The following ETV1 variants were observed in gnomAD, a reference collection of about 807,000 sequenced individuals.
ETV1 encodes the protein ETS variant transcription factor 1.
A neutral mutation model predicts 62.3 loss-of-function variants in ETV1; 27 were observed. The observed-to-expected ratio is 0.43, with a 90% CI of 0.32 to 0.60. The LOEUF (loss-of-function observed/expected upper bound fraction) is 0.60, where lower values mean the gene tolerates loss of function less well. Among genes scored for constraint, ETV1 ranks in the 20% least tolerant of loss-of-function variants. The pLI, the probability that ETV1 is intolerant of heterozygous loss-of-function variation, is 0.06. For synonymous variants in ETV1, 222 were observed against 199.6 expected, an observed-to-expected ratio of 1.11 and a Z score of -0.94; for missense variants, 605 against 605.8, an observed-to-expected ratio of 1.00 and a Z score of 0.01.
At chr7:13,904,788 G>T (rs1335789557) in intron 12 of ETV1, among the ~76,000 whole-genome samples, 1 of 151,516 alleles carries the variant, frequency 6.6e-6, no homozygotes, top group East Asian at 1.9e-4. Flanking sequence ...CATGCGAAAG[G>T]GCTTTCAAAT....
intron 6 of ETV1, among the ~76,000 whole-genome samples, chr7:13,970,437 T>C (rs529684203): frequency 3.3e-5 from 5 of 152,134 alleles, no homozygotes; most frequent in East Asian, 1.9e-4. Flanking sequence ...CAACTAGTCA[T>C]GCTTGAAATG....
intron 7 of ETV1, among the ~76,000 whole-genome samples, chr7:13,936,766 C>A (rs117357646): frequency 6.6e-6 from 1 of 152,112 alleles, no homozygotes; most frequent in African/African-American, 2.4e-5. Flanking sequence ...TTTTGCTGGG[C>A]GCAGTGGCTC....
At position 13,947,293 on chromosome 7, in the gene ETV1, C is replaced by T. The variant is rs577187479; in HGVS notation, c.236-8047G>A. Among the ~76,000 whole-genome samples, 415 of 139,944 alleles carry T rather than the reference C, an allele frequency of 3.0e-3. 5 individuals are homozygous for T. The highest frequency in any genetic ancestry group is 0.011 in the African/African-American group (407 of 37,818). 91.8% of individuals were successfully genotyped at this position (139,944 alleles called of 152,430 possible). A position where few individuals can be genotyped will look rare whatever the true frequency, so the allele number is the denominator to read the frequency against. On this transcript the variant is annotated intron_variant, in intron 6 of 13. Coordinates refer to ENST00000430479, the MANE Select transcript of ETV1 (RefSeq NM_004956.5). ...GATGGATGATGTCTTGTAAATTAAA[C>T]AAAGATAATATGTTTAAGTGTTGAC...
At chr7:13,986,100 A>T in intron 5 of ETV1, 1 of 1,550,806 alleles carries the variant, frequency 6.4e-7, no homozygotes. Flanking sequence ...AGATTTCCTA[A>T]GCATTAGATA....
chr7:13,916,956 G>T (rs1784245413), intron 9 of ETV1, among the ~76,000 whole-genome samples: 2 of 151,118 alleles, frequency 1.3e-5, no homozygotes, highest in African/African-American at 4.9e-5. Flanking sequence ...TAAAAGTAAA[G>T]TAAAGAAAGA....
At position 13,894,108 on chromosome 7, in the gene ETV1, T is replaced by C; in HGVS notation, c.*1758A>G. 1 of 232,572 alleles carries C rather than the reference T, an allele frequency of 4.3e-6. No individual in the cohort carries two copies. Among genetic ancestry groups the C allele is most frequent in the Middle Eastern group, 1.2e-3 (1 of 802 alleles). 14.4% of individuals were successfully genotyped at this position (232,572 alleles called of 1,614,324 possible). ...CTTTAAACAATCTTTTTCATGCTCA[T>C]CACGAAATGCTTTTACAATAGGTTT... On this transcript the variant is annotated 3_prime_UTR_variant, in exon 14 of 14. Transcript: ENST00000430479.
chr7:13,977,443 G>C lies in ETV1; in HGVS notation c.219C>G (p.Asp73Glu). 1 of 1,545,716 alleles carries C rather than the reference G, an allele frequency of 6.5e-7. No individual in the cohort carries two copies. The highest frequency in any genetic ancestry group is 8.8e-7 in the Non-Finnish European group (1 of 1,142,372). The change falls in exon 6 of 14, where the codon GAC becomes GAG. Residue 73 changes from aspartate to glutamate, a missense_variant. By Grantham distance (45) the Asp-to-Glu change is conservative. Coordinates refer to ENST00000430479, the MANE Select transcript of ETV1 (RefSeq NM_004956.5). ...TATACTTACAACTTTCAGCCTGATA[G>C]TCTGGTACAAACTGCTCATCATTGT... The part of the protein sequence containing the change: ...VPDNDEQFVP[D>E]YQAESLAFHG...
intron 9 of ETV1, among the ~76,000 whole-genome samples, chr7:13,922,814 GTTTCC>G (rs1473258418): frequency 2.0e-5 from 3 of 152,068 alleles, no homozygotes; most frequent in African/African-American, 7.2e-5. Context: ...CATACTTTCT[GTTTCC>G]TGGATAATAT....
At chr7:13,950,934 AC>A (rs1788741366) in intron 6 of ETV1, among the ~76,000 whole-genome samples, 1 of 124,848 alleles carries the variant, frequency 8.0e-6, no homozygotes. Flanking sequence ...ACACACACAC[AC>A]ACACACAATA....
intron 8 of ETV1, among the ~76,000 whole-genome samples, chr7:13,932,152 C>G (rs1248213148): frequency 6.6e-6 from 1 of 151,756 alleles, no homozygotes; most frequent in Non-Finnish European, 1.5e-5. Flanking sequence ...TCATTATATA[C>G]CAGAAAAAGA....
chr7:13,970,560 C>G (rs1325413089), intron 6 of ETV1, among the ~76,000 whole-genome samples: 2 of 151,982 alleles, frequency 1.3e-5, no homozygotes, highest in East Asian at 1.9e-4. Context: ...CAAAAAAATG[C>G]CATTTCTCTT....
chr7:13,934,936 C>T (rs931418675), intron 8 of ETV1, among the ~76,000 whole-genome samples: 1 of 152,050 alleles, frequency 6.6e-6, no homozygotes, highest in Non-Finnish European at 1.5e-5. Flanking sequence ...TACAGAAGCA[C>T]AGGGCAGAAG....
At chr7:13,950,865 T>C (rs1253788176) in intron 6 of ETV1, among the ~76,000 whole-genome samples, 5 of 150,488 alleles carry the variant, frequency 3.3e-5, no homozygotes, top group African/African-American at 9.8e-5. Context: ...CAAAATCTTC[T>C]GGTTTAGAAA....
intron 6 of ETV1, among the ~76,000 whole-genome samples, chr7:13,969,202 A>G (rs1780618280): frequency 6.6e-6 from 1 of 152,208 alleles, no homozygotes. Context: ...TGGTTCCAGT[A>G]TAAAAGAAAT....
Position 13,896,157 on chromosome 7 carries a change from G to A in ETV1, c.1213-70C>T, listed in dbSNP as rs1402754759. 4 of 1,343,136 alleles carry A rather than the reference G, an allele frequency of 3.0e-6. No homozygotes were observed. In the South Asian group the frequency reaches 3.8e-5, roughly 13 times the overall value. 83.2% of individuals were successfully genotyped at this position (1,343,136 alleles called of 1,614,324 possible). A position where few individuals can be genotyped will look rare whatever the true frequency, so the allele number is the denominator to read the frequency against. ...GATGGGGAAGGACAGGAAGGAAAAA[G>A]CCAAAAACGTGGTTTAATATACAGG... On this transcript the variant is annotated intron_variant, in intron 13 of 13. Transcript: ENST00000430479.
intron 9 of ETV1, among the ~76,000 whole-genome samples, chr7:13,929,687 G>A (rs1785864146): frequency 6.6e-6 from 1 of 152,180 alleles, no homozygotes; most frequent in Non-Finnish European, 1.5e-5. Flanking sequence ...TCAGAAAACA[G>A]GGCCTGGGAT....
chr7:13,914,747 T>C (rs1583609567), intron 9 of ETV1, among the ~76,000 whole-genome samples: 1 of 152,204 alleles, frequency 6.6e-6, no homozygotes. Context: ...AGTATTGAAT[T>C]TGCACATTTA....
Position 13,939,250 on chromosome 7 carries a change from G to A in ETV1, c.236-4C>T. 6.3e-7 allele frequency: 1 copy of A among 1,597,946 alleles called. No homozygotes were observed. Among genetic ancestry groups the A allele is most frequent in the Non-Finnish European group, 8.5e-7 (1 of 1,176,020 alleles). On this transcript the variant is annotated splice_region_variant and splice_polypyrimidine_tract_variant and intron_variant, in intron 6 of 13. Transcript: ENST00000430479. Reference sequence around the variant, plus strand: ...AGTGGCAGGCCATGAAAAGCCACTAGAAAAAAGAACAAAAATATCCACAAA... The same window carrying A: ...AGTGGCAGGCCATGAAAAGCCACTAAAAAAAAGAACAAAAATATCCACAAA...
intron 9 of ETV1, among the ~76,000 whole-genome samples, chr7:13,917,284 T>C (rs984935113): frequency 6.8e-6 from 1 of 148,112 alleles, no homozygotes; most frequent in Non-Finnish European, 1.5e-5. Context: ...AACTGTAACT[T>C]TGAGTATTTA....
Sources: allele counts gnomAD v4.1 joint callset (sites outside exome capture counted in the v4.1 genomes callset), GRCh38; gene constraint gnomAD v4.1.1; transcripts MANE v1.5; gene names NCBI Gene and HGNC (gene_info 2026-07-23, HGNC 2026-07-21).